CHRNB4: variants seen among roughly 807,000 people sequenced by gnomAD.
CHRNB4 encodes neuronal acetylcholine receptor subunit beta-4.
Under a neutral mutation model 40.4 loss-of-function variants are expected in CHRNB4, and 23 were observed. The ratio of observed to expected loss-of-function variants is 0.57; its 90% CI spans 0.41 to 0.81. The LOEUF (loss-of-function observed/expected upper bound fraction) is 0.81, where lower values mean the gene tolerates loss of function less well. CHRNB4 is among the 30% of genes least tolerant of loss of function. CHRNB4 has a pLI of 0.00. For missense variants in CHRNB4, 568 were observed against 670.6 expected, an observed-to-expected ratio of 0.85 and a Z score of 1.69; for synonymous variants, 285 against 274.4, an observed-to-expected ratio of 1.04 and a Z score of -0.38.
chr15:78,647,861 CAA>C (rs146991423), intron 7 of CHRNB4, among the ~76,000 whole-genome samples: 124 of 39,118 alleles, frequency 3.2e-3, no homozygotes, highest in African/African-American at 9.5e-3. Context: ...GACTCCATCT[CAA>C]AAAAAAAAAA....
intron 1 of CHRNB4, among the ~76,000 whole-genome samples, chr15:78,635,791 A>T (rs913204828): frequency 6.6e-6 from 1 of 152,056 alleles, no homozygotes; most frequent in African/African-American, 2.4e-5. Context: ...CCCATGCCAT[A>T]CTTCTTCCTC....
At position 78,625,231 on chromosome 15, in the gene CHRNB4, T is replaced by A; in HGVS notation, c.1399A>T (p.Met467Leu). 6.3e-7 allele frequency: 1 copy of A among 1,586,464 alleles called. No individual in the cohort carries two copies. The highest frequency in any genetic ancestry group is 8.6e-7 in the Non-Finnish European group (1 of 1,166,840). The stretch of plus-strand genomic sequence containing the variant: ...ACAGTGCCCAGGACGCACACAAACA[T>A]GAACACCCACAGGAACAGCCGGTCC... ...VVDRLFLWVF[M>L]FVCVLGTVGL... The change falls in exon 6 of 6, where the codon ATG (methionine) becomes TTG (leucine). Residue 467 changes from methionine to leucine, a missense_variant. By Grantham distance (15) the Met-to-Leu change is conservative. Transcript: ENST00000261751.
chr15:78,640,595 C>T (rs1252982590), intron 1 of CHRNB4, among the ~76,000 whole-genome samples: 1 of 152,240 alleles, frequency 6.6e-6, no homozygotes, highest in Admixed American at 6.5e-5. Flanking sequence ...GGACTTCTCT[C>T]TAAGGCTGAG....
chr15:78,644,776 ATTTT>A (rs1320051369), upstream of CHRNB4, among the ~76,000 whole-genome samples: 1 of 152,276 alleles, frequency 6.6e-6, no homozygotes, highest in African/African-American at 2.4e-5. Context: ...ATCCCAATAG[ATTTT>A]TTTGTGAACT....
chr15:78,644,600 A>G (rs2054108365), upstream of CHRNB4, among the ~76,000 whole-genome samples: 2 of 152,172 alleles, frequency 1.3e-5, no homozygotes, highest in South Asian at 4.1e-4. Flanking sequence ...AGTCTCTGGT[A>G]TTTTGTTATA....
At chr15:78,660,229 T>C (rs916723643) in intron 1 of CHRNB4, among the ~76,000 whole-genome samples, 14 of 149,004 alleles carry the variant, frequency 9.4e-5, no homozygotes, top group African/African-American at 3.2e-4. Context: ...AAAGTGAATA[T>C]AAATATGACT....
intron 1 of CHRNB4, among the ~76,000 whole-genome samples, chr15:78,659,267 A>AAAAC (rs930679514): frequency 2.0e-5 from 3 of 152,218 alleles, no homozygotes; most frequent in East Asian, 1.9e-4. Context: ...CATCTCTTCC[A>AAAAC]AAACAAACAA....
intron 5 of CHRNB4, chr15:78,652,791 T>G (rs376862857): frequency 1.3e-5 from 2 of 152,362 alleles, no homozygotes; most frequent in East Asian, 3.9e-4. Flanking sequence ...CTATAACGGC[T>G]GTCCTGATGC....
chr15:78,654,671 T>A (rs1229446191), intron 5 of CHRNB4, among the ~76,000 whole-genome samples: 1 of 152,224 alleles, frequency 6.6e-6, no homozygotes, highest in Non-Finnish European at 1.5e-5. Context: ...CTATACTGTC[T>A]GTAACTACAG....
At position 78,630,434 on chromosome 15, in the gene CHRNB4, G is replaced by A. The variant is rs182550191; in HGVS notation, c.360-489C>T. Reference sequence around the variant, plus strand: ...ATTACAGGTGTGAGCCACCACACCCGGCCCATCAAGCACTCTTAAGGCTTC... The same window carrying A: ...ATTACAGGTGTGAGCCACCACACCCAGCCCATCAAGCACTCTTAAGGCTTC... On this transcript the variant is annotated intron_variant, in intron 4 of 5. Coordinates refer to ENST00000261751, the MANE Select transcript of CHRNB4 (RefSeq NM_000750.5). Among the ~76,000 whole-genome samples, 397 of 152,192 alleles carry A rather than the reference G, an allele frequency of 2.6e-3. 1 individual carries two copies. Among genetic ancestry groups the A allele is most frequent in the Admixed American group, 9.9e-3 (151 of 15,272 alleles).
intron 2 of CHRNB4, among the ~76,000 whole-genome samples, chr15:78,632,411 G>A (rs1422909463): frequency 2.0e-5 from 3 of 151,854 alleles, no homozygotes; most frequent in South Asian, 4.2e-4. Flanking sequence ...AGGCTCAAGC[G>A]ATCCTCCCAC....
At chr15:78,652,967 G>A (rs1423872431) in intron 5 of CHRNB4, among the ~76,000 whole-genome samples, 1 of 152,134 alleles carries the variant, frequency 6.6e-6, no homozygotes, top group East Asian at 1.9e-4. Flanking sequence ...CAGCTGTGGT[G>A]GGCAAGTTAT....
rs973101611 is a variant in CHRNB4, at chr15:78,656,419, C to T, written c.-437G>A. 2.6e-5 allele frequency: 4 copies of T among 151,604 alleles called. No homozygotes were observed. The East Asian group carries it at 7.7e-4, about 29-fold the overall frequency. 9.4% of individuals were successfully genotyped at this position (151,604 alleles called of 1,614,324 possible). A position where few individuals can be genotyped will look rare whatever the true frequency, so the allele number is the denominator to read the frequency against. Reference sequence around the variant, plus strand: ...GGGTTAAACAAAAATGTTCTACACTCATGAGATGGACAGCCTAAATACTGA... The same window carrying T: ...GGGTTAAACAAAAATGTTCTACACTTATGAGATGGACAGCCTAAATACTGA... On this transcript the variant is annotated 5_prime_UTR_variant and NMD_transcript_variant, in exon 4 of 12. Transcript: ENST00000559849.
At chr15:78,649,482 C>A in intron 6 of CHRNB4, 1 of 437,346 alleles carries the variant, frequency 2.3e-6, no homozygotes, top group Admixed American at 2.7e-5. Flanking sequence ...CTATAAAAAA[C>A]AAAACAAAAT....
At chr15:78,655,209 C>T (rs924956097) in intron 5 of CHRNB4, among the ~76,000 whole-genome samples, 1 of 151,394 alleles carries the variant, frequency 6.6e-6, no homozygotes, top group African/African-American at 2.4e-5. Flanking sequence ...TTATACAGTA[C>T]ATAATTTTTT....
chr15:78,633,863 G>A (rs1233697508), intron 2 of CHRNB4, among the ~76,000 whole-genome samples: 2 of 149,864 alleles, frequency 1.3e-5, no homozygotes, highest in African/African-American at 4.9e-5. Context: ...ATGAGAGTCA[G>A]CAGAGGAAAC....
chr15:78,635,104 G>A (rs2053918769), intron 2 of CHRNB4, among the ~76,000 whole-genome samples: 1 of 152,178 alleles, frequency 6.6e-6, no homozygotes, highest in Non-Finnish European at 1.5e-5. Context: ...AGCAGTCTAG[G>A]GGAGAGAATA....
At chr15:78,652,932 G>T (rs982315504) in intron 5 of CHRNB4, among the ~76,000 whole-genome samples, 1 of 152,162 alleles carries the variant, frequency 6.6e-6, no homozygotes, top group Non-Finnish European at 1.5e-5. Flanking sequence ...GATTGACTTG[G>T]CCTCAAATCT....
rs1248895310 is a variant in CHRNB4 at position 78,625,261 on chromosome 15, C to T, written c.1369G>A (p.Val457Met). The T allele has an allele frequency of 1.3e-6, 2 of 1,554,042 alleles. No homozygotes were observed. The highest frequency in any genetic ancestry group is 1.7e-6 in the Non-Finnish European group (2 of 1,151,852). Residue 457 changes from valine (V) to methionine (M), a missense_variant, in exon 6 of 6, where the codon GTG becomes ATG. Physicochemically the swap from Val to Met is conservative, Grantham distance 21. Transcript: ENST00000261751. ...ACCCACAGGAACAGCCGGTCCACCA[C>T]CATAGCCACGTACTTCCAGTCCTCA... ...VVEDWKYVAM[V>M]VDRLFLWVFM... is the part of the protein sequence containing the mutation.
Sources: allele counts gnomAD v4.1 joint callset (sites outside exome capture counted in the v4.1 genomes callset), GRCh38; gene constraint gnomAD v4.1.1; transcripts MANE v1.5; gene names NCBI Gene and HGNC (gene_info 2026-07-23, HGNC 2026-07-21).